PCDHGC3: variants seen among roughly 807,000 people sequenced by gnomAD.
PCDHGC3 encodes the protein protocadherin gamma subfamily C, 3, also known as protocadherin gamma-C3.
PCDHGC3 carries 26 observed loss-of-function variants against 59.2 expected under a neutral mutation model. That is an observed-to-expected ratio of 0.44 (90% confidence interval 0.32 to 0.61). The LOEUF is 0.61. Among genes scored for constraint, PCDHGC3 ranks in the 20% least tolerant of loss-of-function variants. The probability of loss-of-function intolerance (pLI) is 0.05; values close to 1 mark genes in which losing one functional copy is unlikely to be tolerated. For synonymous variants in PCDHGC3, 487 were observed against 519.7 expected, an observed-to-expected ratio of 0.94 and a Z score of 0.86; for missense variants, 1,080 against 1,221.8, an observed-to-expected ratio of 0.88 and a Z score of 1.73.
chr5:141,505,925 C>T (rs1161562658), intron 3 of PCDHGC3, among the ~76,000 whole-genome samples: 4 of 152,140 alleles, frequency 2.6e-5, no homozygotes, highest in Admixed American at 1.3e-4. Context: ...CTGGGCCTGG[C>T]GCTTGGAAGC....
At position 141,491,651 on chromosome 5, in the gene PCDHGC3, A is replaced by G. The variant is rs1379494110; in HGVS notation, c.2431-3156A>G. 1.9e-6 allele frequency: 3 copies of G among 1,613,796 alleles called. 1 individual carries two copies. ...CAGCAGCCCACAGCTCTGGCGCTGGAGCCTGACGCCATCCGGTCCCGCTCT... is the reference window on the plus strand; with the variant it reads ...CAGCAGCCCACAGCTCTGGCGCTGGGGCCTGACGCCATCCGGTCCCGCTCT... On this transcript the variant is annotated intron_variant, in intron 1 of 3. Coordinates refer to ENST00000308177, the MANE Select transcript of PCDHGC3 (RefSeq NM_002588.4). The surrounding 1 kb of genome is among the most constrained non-coding windows in gnomAD (Gnocchi z 6.9).
At position 141,485,811 on chromosome 5, in the gene PCDHGC3, C is replaced by T; in HGVS notation, c.2430+7265C>T. 6.2e-7 allele frequency: 1 copy of T among 1,614,220 alleles called. No homozygotes were observed. The highest frequency in any genetic ancestry group is 8.5e-7 in the Non-Finnish European group (1 of 1,180,028). ...CAATCGGACTACCGCCTGGTGCTGA[C>T]TGCTGTCGATGGAGGGAACCCGCCG... On this transcript the variant is annotated intron_variant, in intron 1 of 3. Transcript: ENST00000308177. This position sits in a 1 kb window ranked among gnomAD's most constrained non-coding sequence, Gnocchi z 5.7.
chr5:141,494,781 C>T, intron 1 of PCDHGC3, 26 bp from the exon 2 acceptor site: 1 of 1,614,074 alleles, frequency 6.2e-7, no homozygotes, highest in African/African-American at 1.3e-5. Flanking sequence ...GGGTACTCAG[C>T]CCCTTTCCCT....
chr5:141,505,704 G>A (rs770933428), intron 3 of PCDHGC3, among the ~76,000 whole-genome samples: 1 of 152,184 alleles, frequency 6.6e-6, no homozygotes, highest in Non-Finnish European at 1.5e-5. Context: ...GAGCGAACAA[G>A]GAAAAGACTC....
At chr5:141,492,448 G>T (rs2734874) in intron 1 of PCDHGC3, among the ~76,000 whole-genome samples, 50 of 152,334 alleles carry the variant, frequency 3.3e-4, no homozygotes, top group African/African-American at 1.2e-3. Context: ...GTAGCTGATT[G>T]TGCGCGCCTG....
chr5:141,488,939 T>C (rs1229571704), intron 1 of PCDHGC3, among the ~76,000 whole-genome samples: 1 of 152,114 alleles, frequency 6.6e-6, no homozygotes, highest in Non-Finnish European at 1.5e-5. Context: ...GGAAACTCCA[T>C]AATTGGTTGA....
chr5:141,490,984 T>TCTG lies in PCDHGC3; in HGVS notation c.2431-3820_2431-3818dup. On this transcript the variant is annotated intron_variant, in intron 1 of 3. Transcript: ENST00000308177. The surrounding 1 kb of genome is among the most constrained non-coding windows in gnomAD (Gnocchi z 5.4). ...CTCAGCCCCCCAGCGTCTCCCTCGCTCTGCTCCTCCTGGCTCCTTGGTCAC... is the reference window on the plus strand; with the variant it reads ...CTCAGCCCCCCAGCGTCTCCCTCGCTCTGCTGCTCCTCCTGGCTCCTTGGTCAC... The TCTG allele has an allele frequency of 1.2e-6, 2 of 1,614,110 alleles. No homozygotes were observed. Among genetic ancestry groups the TCTG allele is most frequent in the Non-Finnish European group, 1.7e-6 (2 of 1,180,028 alleles).
chr5:141,502,868 T>TTTTTTTTTC (rs1298099288), intron 2 of PCDHGC3, among the ~76,000 whole-genome samples: 1 of 147,026 alleles, frequency 6.8e-6, no homozygotes, highest in Non-Finnish European at 1.5e-5. Flanking sequence ...CTCTCTGTCT[T>TTTTTTTTTC]TTTTTTTTTT....
At chr5:141,496,121 C>G (rs1391009290) in intron 2 of PCDHGC3, among the ~76,000 whole-genome samples, 1 of 152,088 alleles carries the variant, frequency 6.6e-6, no homozygotes, top group Non-Finnish European at 1.5e-5. Context: ...TCCTTCCCTG[C>G]CCCTCACACA....
In PCDHGC3 at chr5:141,478,142, G is replaced by C; in HGVS notation, c.2026G>C (p.Glu676Gln). ...VTEDSPEARA[E>Q]FPSGSAPREQ... ...CGAGGACTCTCCTGAAGCCCGAGCCGAGTTCCCCTCTGGCTCTGCCCCCCG... is the reference window on the plus strand; with the variant it reads ...CGAGGACTCTCCTGAAGCCCGAGCCCAGTTCCCCTCTGGCTCTGCCCCCCG... Residue 676 changes from glutamate (E) to glutamine (Q), a missense_variant, in exon 1 of 4, where the codon GAG becomes CAG. Coordinates refer to ENST00000308177, the MANE Select transcript of PCDHGC3 (RefSeq NM_002588.4). 1 of 1,613,988 alleles carries C rather than the reference G, an allele frequency of 6.2e-7. No individual in the cohort carries two copies. The highest frequency in any genetic ancestry group is 1.1e-5 in the South Asian group (1 of 91,072).
Position 141,491,758 on chromosome 5 carries a change from C to A in PCDHGC3, c.2431-3049C>A. The stretch of plus-strand genomic sequence containing the variant: ...TGGGGGCGGCACTGGAGAAGCCGCC[C>A]GTCCTCATAAGGGATTGAACTTGCA... On this transcript the variant is annotated intron_variant, in intron 1 of 3. Coordinates refer to ENST00000308177, the MANE Select transcript of PCDHGC3 (RefSeq NM_002588.4). This position sits in a 1 kb window ranked among gnomAD's most constrained non-coding sequence, Gnocchi z 6.9. 6.3e-7 allele frequency: 1 copy of A among 1,578,788 alleles called. No homozygotes were observed. Among genetic ancestry groups the A allele is most frequent in the Non-Finnish European group, 8.6e-7 (1 of 1,163,522 alleles).
chr5:141,491,802 G>A lies in PCDHGC3; in HGVS notation c.2431-3005G>A. 6.7e-7 allele frequency: 1 copy of A among 1,497,480 alleles called. No homozygotes were observed. Among genetic ancestry groups the A allele is most frequent in the East Asian group, 2.5e-5 (1 of 40,518 alleles). The allele number at this position is 1,497,480 out of a possible 1,614,324, so 92.8% of individuals were successfully genotyped here. ...ACTTGCATCCACTCCTCTCCGGCCG[G>A]CTTGGTCGCTGGCTGCGCTCCACCC... On this transcript the variant is annotated intron_variant, in intron 1 of 3. Coordinates refer to ENST00000308177, the MANE Select transcript of PCDHGC3 (RefSeq NM_002588.4). The surrounding 1 kb of genome is among the most constrained non-coding windows in gnomAD (Gnocchi z 6.9).
In PCDHGC3 at chr5:141,476,351, G is replaced by A; in HGVS notation, c.235G>A (p.Val79Met). The A allele has an allele frequency of 1.2e-6, 2 of 1,614,182 alleles. No individual in the cohort carries two copies. The highest frequency in any genetic ancestry group is 1.7e-6 in the Non-Finnish European group (2 of 1,180,046). ...TGGAGCTAGCCGAAGATTCTTTGAG[G>A]TGAACCGGGAGACCGGAGAGATGTT... ...VSGASRRFFE[V>M]NRETGEMFVN... Residue 79 changes from valine to methionine, a missense_variant, in exon 1 of 4, where the codon GTG becomes ATG. Val to Met is a conservative substitution (Grantham distance 21). Coordinates refer to ENST00000308177, the MANE Select transcript of PCDHGC3 (RefSeq NM_002588.4). This position sits in a 1 kb window ranked among gnomAD's most constrained non-coding sequence, Gnocchi z 7.6.
In PCDHGC3 at chr5:141,489,911, G is replaced by A; in HGVS notation, c.2431-4896G>A. On this transcript the variant is annotated intron_variant, in intron 1 of 3. Transcript: ENST00000308177. The surrounding 1 kb of genome is among the most constrained non-coding windows in gnomAD (Gnocchi z 4.5). ...GATGGGGGGACCCCAGCCCGCTCAG[G>A]GACCACCCTTATCTCTGTCATCGTG... 3.7e-6 allele frequency: 6 copies of A among 1,614,198 alleles called. No individual in the cohort carries two copies. Among genetic ancestry groups the A allele is most frequent in the Non-Finnish European group, 5.1e-6 (6 of 1,180,042 alleles).
chr5:141,486,725 C>A lies in PCDHGC3; in HGVS notation c.2431-8082C>A. 1 of 1,614,182 alleles carries A rather than the reference C, an allele frequency of 6.2e-7. No individual in the cohort carries two copies. The highest frequency in any genetic ancestry group is 1.1e-5 in the South Asian group (1 of 91,076). On this transcript the variant is annotated intron_variant, in intron 1 of 3. Transcript: ENST00000308177. The surrounding 1 kb of genome is among the most constrained non-coding windows in gnomAD (Gnocchi z 5.0). ...TCTGAACCCCCAGACAGGAGCTGTT[C>A]ATGCTACTCGATCCTTTGACTATGA...
rs141959335 is a variant in PCDHGC3, at chr5:141,491,261, T to C, written c.2431-3546T>C. On this transcript the variant is annotated intron_variant, in intron 1 of 3. Transcript: ENST00000308177. This position sits in a 1 kb window ranked among gnomAD's most constrained non-coding sequence, Gnocchi z 6.9. Reference sequence around the variant, plus strand: ...CTGGAGGATGAGGACCCTGAGGAAATGCCCAAATCCAGTGACTTCCTCATA... The same window carrying C: ...CTGGAGGATGAGGACCCTGAGGAAACGCCCAAATCCAGTGACTTCCTCATA... 104 of 1,614,044 alleles carry C rather than the reference T, an allele frequency of 6.4e-5. No individual in the cohort carries two copies. Among genetic ancestry groups the C allele is most frequent in the Non-Finnish European group, 8.1e-5 (95 of 1,180,028 alleles).
In PCDHGC3 at chr5:141,485,222, C is replaced by A; in HGVS notation, c.2430+6676C>A. The A allele has an allele frequency of 6.2e-7, 1 of 1,614,196 alleles. No homozygotes were observed. The highest frequency in any genetic ancestry group is 8.5e-7 in the Non-Finnish European group (1 of 1,180,020). On this transcript the variant is annotated intron_variant, in intron 1 of 3. Transcript: ENST00000308177. This position sits in a 1 kb window ranked among gnomAD's most constrained non-coding sequence, Gnocchi z 5.7. ...GACAGAAATCTGGCGGTGGGCTACC[C>A]TTTTGTTCCTCTTTTACCACCTGGG...
chr5:141,490,344 AGTGGGGTTGTTTAAT>A lies in PCDHGC3; in HGVS notation c.2431-4459_2431-4445del. The A allele has an allele frequency of 6.2e-7, 1 of 1,614,178 alleles. No individual in the cohort carries two copies. The highest frequency in any genetic ancestry group is 8.5e-7 in the Non-Finnish European group (1 of 1,180,030). ...TAGAGAGCACACCAGTGGGCACAGT[AGTGGGGTTGTTTAAT>A]GTGCGAGACCGGGACTCAGGTAGAA... On this transcript the variant is annotated intron_variant, in intron 1 of 3. Coordinates refer to ENST00000308177, the MANE Select transcript of PCDHGC3 (RefSeq NM_002588.4). This position sits in a 1 kb window ranked among gnomAD's most constrained non-coding sequence, Gnocchi z 5.4.
chr5:141,480,239 A>C (rs1320132415), intron 1 of PCDHGC3, among the ~76,000 whole-genome samples: 4 of 136,218 alleles, frequency 2.9e-5, no homozygotes, highest in African/African-American at 1.1e-4. Context: ...TCCTGTCTCT[A>C]CAAAAAAAAA....
Sources: allele counts gnomAD v4.1 joint callset (sites outside exome capture counted in the v4.1 genomes callset), GRCh38; gene constraint gnomAD v4.1.1; non-coding constraint Gnocchi (gnomAD v3.1); transcripts MANE v1.5; gene names NCBI Gene and HGNC (gene_info 2026-07-23, HGNC 2026-07-21).